ATRX: variants seen among roughly 807,000 people sequenced by gnomAD.
ATRX encodes the protein chromatin remodeler ATRX.
A neutral mutation model predicts 172.6 loss-of-function variants in ATRX; 12 were observed. The observed-to-expected ratio is 0.07, with a 90% confidence interval of 0.04 to 0.11. The LOEUF (loss-of-function observed/expected upper bound fraction) is 0.11. ATRX is among the 10% of genes least tolerant of loss of function. The pLI, the probability that ATRX is intolerant of heterozygous loss-of-function variation, is 1.00. For missense variants in ATRX, 1,368 were observed against 1,767.4 expected (o/e 0.77, Z 4.05); for synonymous variants, 674 against 594.7 (o/e 1.13, Z -1.94).
At chrX:77,635,250 A>T (rs991762780) in intron 16 of ATRX, among the ~76,000 whole-genome samples, 4 of 111,473 alleles carry the variant, frequency 3.6e-5, no homozygotes, top group Non-Finnish European at 7.5e-5. Context: ...GCACCACTGT[A>T]CTCCAGCCTG....
chrX:77,763,475 A>T (rs1475964290), intron 1 of ATRX, among the ~76,000 whole-genome samples: 9 of 70,297 alleles, frequency 1.3e-4, no homozygotes, highest in East Asian at 8.2e-4. Context: ...CTTTTTTTTA[A>T]AAAAAAAAAA....
At chrX:77,608,025 C>T (rs1349870994) in intron 22 of ATRX, among the ~76,000 whole-genome samples, 1 of 110,951 alleles carries the variant, frequency 9.0e-6, no homozygotes, top group Non-Finnish European at 1.9e-5. Context: ...AATCACATTA[C>T]ATAACTTCAA....
chrX:77,692,528 A>G (rs1294843962), intron 6 of ATRX, among the ~76,000 whole-genome samples: 1 of 112,245 alleles, frequency 8.9e-6, no homozygotes, highest in Non-Finnish European at 1.9e-5. Flanking sequence ...CAGCAAGATA[A>G]TCATAGCATT....
intron 17 of ATRX, among the ~76,000 whole-genome samples, chrX:77,634,218 A>G (rs1557106981): frequency 1.2e-5 from 1 of 84,044 alleles, no homozygotes; most frequent in Non-Finnish European, 2.3e-5. Flanking sequence ...AACATCATAA[A>G]CCGTTAAAAG....
In ATRX at chrX:77,564,218, T is replaced by C. The variant is rs782205104; in HGVS notation, c.6327-5372A>G. Among the ~76,000 whole-genome samples, 29 of 111,562 alleles carry C rather than the reference T, an allele frequency of 2.6e-4. No individual in the cohort carries two copies. In the East Asian group the frequency reaches 7.6e-3, roughly 29 times the overall value. On this transcript the variant is annotated intron_variant, in intron 28 of 34. Coordinates refer to ENST00000373344, the MANE Select transcript of ATRX (RefSeq NM_000489.6). ...CACATAAAATTAACTATCACACCTT[T>C]GGTGAACAGAAGTCCTTAATTTTAA...
intron 1 of ATRX, among the ~76,000 whole-genome samples, chrX:77,785,224 A>G (rs1208717830): frequency 1.8e-5 from 2 of 110,923 alleles, no homozygotes; most frequent in Non-Finnish European, 3.8e-5. Flanking sequence ...GTAAATAAAG[A>G]TAGGGCCTAA....
At position 77,621,969 on chromosome X, in the gene ATRX, A is replaced by T. The variant is rs1053153356; in HGVS notation, c.5135-1437T>A. 6.2e-5 allele frequency among the ~76,000 whole-genome samples: 7 copies of T among 112,349 alleles called. No individual in the cohort carries two copies. In the South Asian group the frequency reaches 2.2e-3, roughly 35 times the overall value. On this transcript the variant is annotated intron_variant, in intron 19 of 34. Coordinates refer to ENST00000373344, the MANE Select transcript of ATRX (RefSeq NM_000489.6). ...GAAAACATTTTCTACAGAGAAAAAAATGCCTTTTACAGCAGTGATTTAAAT... is the reference window on the plus strand; with the variant it reads ...GAAAACATTTTCTACAGAGAAAAAATTGCCTTTTACAGCAGTGATTTAAAT...
intron 1 of ATRX, among the ~76,000 whole-genome samples, chrX:77,750,031 T>A (rs1183827546): frequency 9.0e-6 from 1 of 111,426 alleles, no homozygotes; most frequent in Non-Finnish European, 1.9e-5. Context: ...CCTACCTTCA[T>A]CACATCACAT....
chrX:77,723,357 T>C (rs1289846509), intron 1 of ATRX, among the ~76,000 whole-genome samples: 2 of 111,970 alleles, frequency 1.8e-5, no homozygotes, highest in African/African-American at 6.5e-5. Context: ...AAACATTTAC[T>C]GAACACTTAG....
intron 9 of ATRX, among the ~76,000 whole-genome samples, chrX:77,681,150 C>T (rs1213021273): frequency 9.0e-6 from 1 of 111,392 alleles, no homozygotes; most frequent in African/African-American, 3.3e-5. Flanking sequence ...TTTGACACAC[C>T]ATGTCATACC....
chrX:77,774,882 TTTTGTTTG>T (rs71880876), intron 1 of ATRX, among the ~76,000 whole-genome samples: 123 of 108,685 alleles, frequency 1.1e-3, no homozygotes, highest in East Asian at 0.011. Flanking sequence ...AATTTAGTAC[TTTTGTTTG>T]TTTGTTTGTT....
intron 1 of ATRX, among the ~76,000 whole-genome samples, chrX:77,782,907 C>T (rs1217948085): frequency 9.0e-6 from 1 of 111,231 alleles, no homozygotes; most frequent in Non-Finnish European, 1.9e-5. Context: ...CAGCATACAT[C>T]ACCTGATAAC....
At chrX:77,669,078 G>A (rs905124328) in intron 10 of ATRX, among the ~76,000 whole-genome samples, 9 of 111,581 alleles carry the variant, frequency 8.1e-5, no homozygotes, top group African/African-American at 2.9e-4. Context: ...CAAAATGTTA[G>A]AGCCAGAAGG....
At chrX:77,617,128 G>T (rs1439810746) in intron 21 of ATRX, among the ~76,000 whole-genome samples, 1 of 111,840 alleles carries the variant, frequency 8.9e-6, no homozygotes, top group East Asian at 2.8e-4. Flanking sequence ...AGGAATCAAA[G>T]TCTAATGCAG....
intron 26 of ATRX, among the ~76,000 whole-genome samples, chrX:77,591,217 C>T (rs781939500): frequency 5.4e-5 from 6 of 111,813 alleles, no homozygotes; most frequent in Admixed American, 4.8e-4. Context: ...CCTCTCCTTT[C>T]GGTCACCAAT....
At chrX:77,664,084 A>G (rs1557124600) in intron 11 of ATRX, among the ~76,000 whole-genome samples, 1 of 107,709 alleles carries the variant, frequency 9.3e-6, no homozygotes, top group East Asian at 2.9e-4. Context: ...CTGGGCAACA[A>G]GAGCAAAACT....
intron 22 of ATRX, among the ~76,000 whole-genome samples, chrX:77,608,747 C>G (rs143103918): frequency 6.3e-5 from 7 of 111,547 alleles, no homozygotes; most frequent in African/African-American, 2.3e-4. Flanking sequence ...GGGATCATAT[C>G]AAGTTAAAAA....
At chrX:77,522,584 C>CT (rs1359263238) in intron 31 of ATRX, 196 bp from the exon 32 acceptor site, 267 of 415,654 alleles carry the variant, frequency 6.4e-4, no homozygotes, top group East Asian at 9.3e-4. Context: ...TAAAGGTGTA[C>CT]TTTTTTTTTC....
chrX:77,575,223 T>G (rs2065571439), intron 27 of ATRX, among the ~76,000 whole-genome samples: 1 of 110,778 alleles, frequency 9.0e-6, no homozygotes, highest in African/African-American at 3.3e-5. Flanking sequence ...TCCAGCAAGC[T>G]CTTTAAATTT....
Sources: allele counts gnomAD v4.1 joint callset (sites outside exome capture counted in the v4.1 genomes callset), GRCh38; gene constraint gnomAD v4.1.1; transcripts MANE v1.5; gene names NCBI Gene and HGNC (gene_info 2026-07-23, HGNC 2026-07-21).